The following PNPT1 variants were observed in gnomAD, a reference collection of about 807,000 sequenced individuals.
PNPT1 encodes the protein polyribonucleotide nucleotidyltransferase 1.
In PNPT1, 53 loss-of-function variants were observed where a neutral mutation model predicts 119.5. The observed-to-expected ratio is 0.44, with a 90% confidence interval of 0.36 to 0.56. The LOEUF is 0.56. Among genes scored for constraint, PNPT1 ranks in the 20% least tolerant of loss-of-function variants. The probability of loss-of-function intolerance (pLI) is 0.00; values close to 1 mark genes in which losing one functional copy is unlikely to be tolerated. For synonymous variants in PNPT1, 357 were observed against 322.1 expected (o/e 1.11, Z -1.16); for missense variants, 948 against 938.5 (o/e 1.01, Z -0.13).
At chr2:55,662,140 A>G in intron 13 of PNPT1, 114 bp from the exon 14 acceptor site, 1 of 846,240 alleles carries the variant, frequency 1.2e-6, no homozygotes, top group African/African-American at 1.8e-5. Flanking sequence ...TACATCCTAC[A>G]CAAAGCTTGC....
chr2:55,664,768 C>T (rs1484900622), intron 13 of PNPT1, among the ~76,000 whole-genome samples: 1 of 152,024 alleles, frequency 6.6e-6, no homozygotes, highest in South Asian at 2.1e-4. Flanking sequence ...GTATGCAGAA[C>T]ATCTTAATAA....
At chr2:55,650,875 CA>C (rs1210453026) in intron 18 of PNPT1, among the ~76,000 whole-genome samples, 1 of 151,968 alleles carries the variant, frequency 6.6e-6, no homozygotes, top group East Asian at 2.0e-4. Flanking sequence ...GCCCGGCAGC[CA>C]CCTCGTCCGG....
chr2:55,643,241 T>C (rs774260141), intron 24 of PNPT1, 28 bp from the exon 25 acceptor site: 19 of 1,613,958 alleles, frequency 1.2e-5, no homozygotes, highest in Non-Finnish European at 1.5e-5. Context: ...GCCATAAGAT[T>C]CATAAAGAAA....
At chr2:55,642,062 G>A (rs1414805966) in intron 25 of PNPT1, among the ~76,000 whole-genome samples, 8 of 151,964 alleles carry the variant, frequency 5.3e-5, no homozygotes, top group African/African-American at 1.9e-4. Flanking sequence ...GGCTGCTCTC[G>A]AACCCCCCAC....
At chr2:55,638,029 T>C (rs1481192648) in intron 26 of PNPT1, among the ~76,000 whole-genome samples, 2 of 145,994 alleles carry the variant, frequency 1.4e-5, no homozygotes, top group Admixed American at 6.9e-5. Flanking sequence ...CAGCTGGGCA[T>C]GGTGGCTCAC....
intron 22 of PNPT1, 86 bp downstream of exon 22, chr2:55,645,263 A>T (rs1170654108): frequency 8.5e-6 from 7 of 819,992 alleles, no homozygotes; most frequent in Non-Finnish European, 1.4e-5. Flanking sequence ...TGACCTTGTG[A>T]TCCGCTCGCC....
intron 3 of PNPT1, among the ~76,000 whole-genome samples, 193 bp from the exon 4 acceptor site, chr2:55,685,241 A>C (rs1697364628): frequency 6.6e-6 from 1 of 152,188 alleles, no homozygotes; most frequent in Non-Finnish European, 1.5e-5. Flanking sequence ...GATTTTAAAA[A>C]ACGTTCAGGT....
intron 8 of PNPT1, among the ~76,000 whole-genome samples, chr2:55,676,547 G>C (rs922654257): frequency 6.6e-6 from 1 of 152,034 alleles, no homozygotes; most frequent in Non-Finnish European, 1.5e-5. Flanking sequence ...TATTCTTGCC[G>C]TGTAAGATTA....
At chr2:55,655,536 A>T (rs909089084) in intron 17 of PNPT1, among the ~76,000 whole-genome samples, 5 of 152,258 alleles carry the variant, frequency 3.3e-5, no homozygotes, top group Admixed American at 6.5e-5. Flanking sequence ...TGGCTCTCTC[A>T]TTCTCATAAG....
chr2:55,667,558 C>T (rs572124276), intron 12 of PNPT1, among the ~76,000 whole-genome samples: 83 of 151,344 alleles, frequency 5.5e-4, no homozygotes, highest in African/African-American at 1.6e-3. Context: ...TGCACTCCAG[C>T]CTGGGTGACA....
intron 2 of PNPT1, 67 bp from the exon 3 acceptor site, chr2:55,686,511 G>A: frequency 8.5e-7 from 1 of 1,170,180 alleles, no homozygotes; most frequent in Non-Finnish European, 1.2e-6. Context: ...AGTAGCAACT[G>A]AATAAATCCT....
chr2:55,652,379 T>C (rs770419674), intron 18 of PNPT1, among the ~76,000 whole-genome samples: 2 of 152,242 alleles, frequency 1.3e-5, no homozygotes, highest in Non-Finnish European at 1.5e-5. Context: ...TTTGAGGTTT[T>C]TGGCTTTAAC....
intron 5 of PNPT1, among the ~76,000 whole-genome samples, chr2:55,683,397 A>G (rs1697306131): frequency 6.6e-6 from 1 of 151,950 alleles, no homozygotes; most frequent in Non-Finnish European, 1.5e-5. Context: ...GGCGGATCAC[A>G]AGGTCAGGAG....
At chr2:55,643,477 G>A (rs751986122) in intron 23 of PNPT1, 52 bp from the exon 24 acceptor site, 3 of 1,485,278 alleles carry the variant, frequency 2.0e-6, no homozygotes, top group South Asian at 2.3e-5. Flanking sequence ...GGGCATAGTG[G>A]GTCACATCTG....
Position 55,667,891 on chromosome 2 carries a change from A to G in PNPT1, c.1044T>C (p.Phe348=). ...ESFNVVAKEV[F]RSIVLNEYKR... ...TGTATTCATTCAAAACAATACTTCT[A>G]AAAACTTCCTTTGCAACAACATTGA... The change falls in exon 12 of 28, where the codon TTT becomes TTC. Residue 348 remains phenylalanine (F), a synonymous_variant. Transcript: ENST00000447944. The G allele has an allele frequency of 1.3e-6, 2 of 1,588,324 alleles. No homozygotes were observed. The highest frequency in any genetic ancestry group is 1.7e-6 in the Non-Finnish European group (2 of 1,173,582).
intron 1 of PNPT1, among the ~76,000 whole-genome samples, chr2:55,690,628 T>G (rs1040320249): frequency 1.3e-5 from 2 of 152,244 alleles, no homozygotes; most frequent in Admixed American, 1.3e-4. Flanking sequence ...GAACAAAGTA[T>G]GTACATTTAA....
At chr2:55,645,526 T>C in intron 21 of PNPT1, 94 bp from the exon 22 acceptor site, 1 of 744,784 alleles carries the variant, frequency 1.3e-6, no homozygotes, top group East Asian at 2.7e-5. Context: ...ATCTAAACCC[T>C]GTAGCTTAAT....
chr2:55,659,645 C>T (rs7575170), intron 15 of PNPT1, among the ~76,000 whole-genome samples: 46,777 of 151,758 alleles, frequency 0.31, 7,339 homozygotes, highest in South Asian at 0.39. Context: ...TCTCTTATCT[C>T]TCTAAAGTAG....
In PNPT1 at chr2:55,693,674, G is replaced by C. The variant is rs759272473; in HGVS notation, c.150C>G (p.Asp50Glu). 7 of 1,614,148 alleles carry C rather than the reference G, an allele frequency of 4.3e-6. No homozygotes were observed. The Admixed American group carries it at 5.0e-5, about 12-fold the overall frequency. ...SSAGSRAVAV[D>E]LGNRKLEISS... ...ACGTCACTCCTTACCTGTTGCCTAA[G>C]TCCACGGCCACAGCTCGAGACCCTG... Residue 50 changes from aspartate to glutamate, a missense_variant, in exon 1 of 28, where the codon GAC (aspartate) becomes GAG (glutamate). Asp to Glu is a conservative substitution (Grantham distance 45). Transcript: ENST00000447944.
Sources: allele counts gnomAD v4.1 joint callset (sites outside exome capture counted in the v4.1 genomes callset), GRCh38; gene constraint gnomAD v4.1.1; transcripts MANE v1.5; gene names NCBI Gene and HGNC (gene_info 2026-07-23, HGNC 2026-07-21).